Variants in SUSD1 observed in about 807,000 individuals in gnomAD.
SUSD1 encodes the protein sushi domain-containing protein 1.
SUSD1 carries 65 observed loss-of-function variants against 86.9 expected under a neutral mutation model. That is an observed-to-expected ratio of 0.75 (90% CI 0.61 to 0.92). SUSD1 has a LOEUF of 0.92. Among genes scored for constraint, SUSD1 ranks in the 40% least tolerant of loss-of-function variants. SUSD1 has a pLI of 0.00. For synonymous variants in SUSD1, 346 were observed against 350.0 expected (o/e 0.99, Z 0.13); for missense variants, 850 against 929.7 (o/e 0.91, Z 1.11).
chr9:112,142,961 C>CTTTTTTTTTTTTTTT (rs529470594), intron 4 of SUSD1, among the ~76,000 whole-genome samples: 1 of 30,216 alleles, frequency 3.3e-5, no homozygotes. Context: ...TGAATTTTAG[C>CTTTTTTTTTTTTTTT]TTTTTTTTTT....
chr9:112,078,823 T>TA, intron 11 of SUSD1, 99 bp from the exon 12 acceptor site: 1 of 1,117,264 alleles, frequency 9.0e-7, no homozygotes, highest in Non-Finnish European at 1.2e-6. Context: ...TTTTTTTTTT[T>TA]TTTTTTTGAG....
chr9:112,136,785 T>G (rs1832285582), intron 5 of SUSD1, among the ~76,000 whole-genome samples: 1 of 152,182 alleles, frequency 6.6e-6, no homozygotes, highest in Admixed American at 6.5e-5. Flanking sequence ...TGGTACAATT[T>G]ATGTCGAAGC....
chr9:112,153,265 TA>T (rs756176818), intron 2 of SUSD1, among the ~76,000 whole-genome samples: 503 of 136,480 alleles, frequency 3.7e-3, no homozygotes, highest in East Asian at 3.2e-3. Flanking sequence ...AGACCCTGGC[TA>T]AAAAAAAAAA....
At chr9:112,121,616 G>C (rs894880690) in intron 6 of SUSD1, among the ~76,000 whole-genome samples, 1 of 152,068 alleles carries the variant, frequency 6.6e-6, no homozygotes, top group African/African-American at 2.4e-5. Flanking sequence ...TAATCCCCAG[G>C]GGCCTACATG....
At chr9:112,171,376 T>C (rs77921019) in intron 1 of SUSD1, among the ~76,000 whole-genome samples, 3 of 152,370 alleles carry the variant, frequency 2.0e-5, no homozygotes, top group African/African-American at 7.2e-5. Flanking sequence ...CCTTTGCTTA[T>C]TCTTGTTTGG....
intron 10 of SUSD1, among the ~76,000 whole-genome samples, chr9:112,094,338 A>G (rs1002381697): frequency 1.3e-5 from 2 of 152,198 alleles, no homozygotes; most frequent in African/African-American, 4.8e-5. Context: ...TAAGGAGAGA[A>G]CTGTAGAAAG....
intron 10 of SUSD1, among the ~76,000 whole-genome samples, chr9:112,089,129 A>C (rs1249664544): frequency 6.6e-6 from 1 of 152,192 alleles, no homozygotes; most frequent in Non-Finnish European, 1.5e-5. Context: ...ATAAACAAAC[A>C]AACAAAAAAC....
At chr9:112,078,872 G>A (rs1829645294) in intron 11 of SUSD1, 148 bp from the exon 12 acceptor site, 2 of 634,692 alleles carry the variant, frequency 3.2e-6, no homozygotes, top group East Asian at 5.7e-5. Flanking sequence ...GGAGTGCAGT[G>A]GCATGACCTC....
Position 112,175,078 on chromosome 9 carries a change from G to T in SUSD1, c.103+55C>A. On this transcript the variant is annotated intron_variant, in intron 1 of 16. Coordinates refer to ENST00000374270, the MANE Select transcript of SUSD1 (RefSeq NM_022486.5). The surrounding 1 kb of genome is among the most constrained non-coding windows in gnomAD (Gnocchi z 4.7). ...AAGCGTCCGTGCGCCCAGAGTCCTC[G>T]AGGCCCAGCCGGGGGCCCCGCCGGC... 2 of 999,244 alleles carry T rather than the reference G, an allele frequency of 2.0e-6. No homozygotes were observed. Among genetic ancestry groups the T allele is most frequent in the Non-Finnish European group, 2.4e-6 (2 of 840,068 alleles). The allele number at this position is 999,244 out of a possible 1,614,324, so 61.9% of individuals were successfully genotyped here.
chr9:112,052,310 G>C (rs763970486), intron 15 of SUSD1, 89 bp downstream of exon 15: 9 of 1,608,794 alleles, frequency 5.6e-6, no homozygotes, highest in Non-Finnish European at 7.6e-6. Flanking sequence ...GGTCACCAGT[G>C]ACAATTATAT....
intron 10 of SUSD1, among the ~76,000 whole-genome samples, chr9:112,092,805 C>T (rs1423335535): frequency 6.6e-6 from 1 of 152,078 alleles, no homozygotes; most frequent in Non-Finnish European, 1.5e-5. Flanking sequence ...CAATCTAAAA[C>T]TTTTATATGT....
At chr9:112,053,457 T>G (rs1012802652) in intron 14 of SUSD1, among the ~76,000 whole-genome samples, 2 of 127,922 alleles carry the variant, frequency 1.6e-5, no homozygotes, top group Admixed American at 1.1e-4. Flanking sequence ...GGAGGTGCAG[T>G]GAGCCAAGAC....
rs551411553 is a variant in SUSD1 at position 112,112,657 on chromosome 9, G to T, written c.984+114C>A. ...TCACAAAAAAAATAAAAGAAAAAAA[G>T]AAAAAAAAACAGCAATTAGATTGAG... On this transcript the variant is annotated intron_variant, in intron 7 of 16. Coordinates refer to ENST00000374270, the MANE Select transcript of SUSD1 (RefSeq NM_022486.5). The T allele has an allele frequency of 1.1e-4, 71 of 670,816 alleles. No homozygotes were observed. In the East Asian group the frequency reaches 2.1e-3, roughly 19 times the overall value. The allele number at this position is 670,816 out of a possible 1,614,324, so 41.6% of individuals were successfully genotyped here.
At chr9:112,086,280 C>T (rs1829971674) in intron 10 of SUSD1, among the ~76,000 whole-genome samples, 1 of 145,854 alleles carries the variant, frequency 6.9e-6, no homozygotes, top group Admixed American at 7.1e-5. Flanking sequence ...TCCTGCCAGG[C>T]TGGGTGACAG....
chr9:112,087,815 C>A (rs1471377008), intron 10 of SUSD1, among the ~76,000 whole-genome samples: 2 of 152,054 alleles, frequency 1.3e-5, no homozygotes, highest in African/African-American at 4.8e-5. Flanking sequence ...TTTAAAACTA[C>A]AATTCAAGAT....
chr9:112,138,242 T>TATATATATATATGTGTATACAC (rs1832368684), intron 5 of SUSD1, among the ~76,000 whole-genome samples: 2 of 34,068 alleles, frequency 5.9e-5, no homozygotes, highest in East Asian at 1.7e-3. Flanking sequence ...AATGTGTATA[T>TATATATATATATGTGTATACAC]ATATATATAT....
chr9:112,046,553 C>T (rs1281375950), intron 15 of SUSD1, among the ~76,000 whole-genome samples: 1 of 152,168 alleles, frequency 6.6e-6, no homozygotes, highest in Non-Finnish European at 1.5e-5. Context: ...AGAAATATCA[C>T]ATGCTGAAGA....
intron 8 of SUSD1, among the ~76,000 whole-genome samples, chr9:112,109,789 G>T (rs929348038): frequency 1.3e-5 from 2 of 152,174 alleles, no homozygotes; most frequent in African/African-American, 4.8e-5. Flanking sequence ...TAATAATTTT[G>T]TAAGACTTCT....
chr9:112,169,393 CA>C (rs112439745), intron 1 of SUSD1: 5,538 of 128,122 alleles, frequency 0.043, 226 homozygotes, highest in African/African-American at 0.1. Context: ...CTTGACTAGT[CA>C]AAAAAAAAAA....
Sources: allele counts gnomAD v4.1 joint callset (sites outside exome capture counted in the v4.1 genomes callset), GRCh38; gene constraint gnomAD v4.1.1; non-coding constraint Gnocchi (gnomAD v3.1); transcripts MANE v1.5; gene names NCBI Gene and HGNC (gene_info 2026-07-23, HGNC 2026-07-21).